DIP2C: variants seen among roughly 807,000 people sequenced by gnomAD.
DIP2C encodes disco-interacting protein 2 homolog C.
In DIP2C, 33 loss-of-function variants were observed where a neutral mutation model predicts 192.4. That is an observed-to-expected ratio of 0.17 (90% CI 0.13 to 0.23). The LOEUF (loss-of-function observed/expected upper bound fraction) is 0.23. Ranked by LOEUF, DIP2C falls within the 10% of genes least tolerant of loss-of-function variation. DIP2C has a pLI of 1.00. For synonymous variants in DIP2C, 979 were observed against 864.1 expected (o/e 1.13, Z -2.33); for missense variants, 1,537 against 2,110.1 (o/e 0.73, Z 5.32).
At chr10:615,700 G>A (rs940017582) in intron 1 of DIP2C, among the ~76,000 whole-genome samples, 2 of 152,034 alleles carry the variant, frequency 1.3e-5, no homozygotes, top group Non-Finnish European at 2.9e-5. Flanking sequence ...ACACATCCAT[G>A]CCTCATCCAT....
intron 12 of DIP2C, 33 bp from the exon 13 acceptor site, chr10:390,126 C>T (rs1344089646): frequency 1.2e-6 from 2 of 1,603,910 alleles, no homozygotes; most frequent in Admixed American, 3.3e-5. Context: ...GGAAGTGGGG[C>T]TGACAGGTCA....
chr10:589,386 G>T (rs1851273470), intron 1 of DIP2C, among the ~76,000 whole-genome samples: 1 of 152,074 alleles, frequency 6.6e-6, no homozygotes, highest in African/African-American at 2.4e-5. Context: ...GGTTATCATG[G>T]CTAAGAGCTC....
chr10:376,513 G>A (rs1387336711), intron 17 of DIP2C, among the ~76,000 whole-genome samples: 1 of 151,950 alleles, frequency 6.6e-6, no homozygotes, highest in Non-Finnish European at 1.5e-5. Flanking sequence ...TTGGGAGGGG[G>A]GGTCTTCCCT....
At chr10:610,640 G>A (rs1259375008) in intron 1 of DIP2C, among the ~76,000 whole-genome samples, 1 of 152,250 alleles carries the variant, frequency 6.6e-6, no homozygotes, top group African/African-American at 2.4e-5. Flanking sequence ...AGAACGGGGA[G>A]CCAGACATGG....
chr10:593,485 A>ACCCCCC (rs10563749), intron 1 of DIP2C, among the ~76,000 whole-genome samples: 324 of 64,194 alleles, frequency 5.0e-3, no homozygotes, highest in Non-Finnish European at 5.7e-3. Flanking sequence ...CCCACGCGGG[A>ACCCCCC]CCCCCCCCCC....
intron 17 of DIP2C, among the ~76,000 whole-genome samples, chr10:371,027 G>A (rs1315524526): frequency 6.6e-6 from 1 of 152,180 alleles, no homozygotes; most frequent in Non-Finnish European, 1.5e-5. Flanking sequence ...GAACTACCTA[G>A]ATAGGGCGAG....
intron 3 of DIP2C, among the ~76,000 whole-genome samples, chr10:451,782 A>T (rs1968867349): frequency 6.6e-6 from 1 of 152,218 alleles, no homozygotes; most frequent in Middle Eastern, 3.4e-3. Context: ...GAGCACACAC[A>T]CCACCCTCTA....
chr10:448,566 T>C (rs1371413393), intron 3 of DIP2C, among the ~76,000 whole-genome samples: 15 of 67,048 alleles, frequency 2.2e-4, no homozygotes, highest in Non-Finnish European at 2.7e-4. Flanking sequence ...ACCCGCTCAC[T>C]CCCGTTGATA....
At position 321,160 on chromosome 10, in the gene DIP2C, G is replaced by A. The variant is rs1956989351; in HGVS notation, c.3924+5846C>T. 2.0e-5 allele frequency among the ~76,000 whole-genome samples: 3 copies of A among 152,220 alleles called. 1 individual carries two copies. The South Asian group carries it at 6.2e-4, about 32-fold the overall frequency. Reference sequence around the variant, plus strand: ...AAAAACAAACACCCAATGTGTCTCTGTACACCTGTAATGTTTCCTGTGTCA... The same window carrying A: ...AAAAACAAACACCCAATGTGTCTCTATACACCTGTAATGTTTCCTGTGTCA... On this transcript the variant is annotated intron_variant, in intron 31 of 36. Transcript: ENST00000280886.
At chr10:343,615 G>C (rs992493888) in intron 28 of DIP2C, among the ~76,000 whole-genome samples, 1 of 152,230 alleles carries the variant, frequency 6.6e-6, no homozygotes, top group Non-Finnish European at 1.5e-5. Context: ...TTTGTTTAAA[G>C]GAGAAATGAG....
chr10:511,163 C>G (rs1371817465), intron 1 of DIP2C, among the ~76,000 whole-genome samples: 2 of 152,190 alleles, frequency 1.3e-5, no homozygotes, highest in Non-Finnish European at 2.9e-5. Context: ...ACGCTGAACA[C>G]ACTGTCGCGA....
intron 1 of DIP2C, among the ~76,000 whole-genome samples, chr10:609,106 G>C (rs1852885154): frequency 6.6e-6 from 1 of 151,858 alleles, no homozygotes; most frequent in Non-Finnish European, 1.5e-5. Context: ...TGGTTTTTAT[G>C]ACTCGCAGTT....
chr10:416,596 C>A (rs1965653287), intron 6 of DIP2C, among the ~76,000 whole-genome samples: 1 of 152,118 alleles, frequency 6.6e-6, no homozygotes, highest in Non-Finnish European at 1.5e-5. Flanking sequence ...TCCAAGTGGA[C>A]CGAGAAAAGC....
intron 7 of DIP2C, among the ~76,000 whole-genome samples, chr10:414,739 G>GTGTGTGTATGTATATA: frequency 3.3e-5 from 3 of 90,510 alleles, no homozygotes; most frequent in Admixed American, 1.2e-4. Flanking sequence ...GTGTGTGTGT[G>GTGTGTGTATGTATATA]TACATATATA....
intron 1 of DIP2C, among the ~76,000 whole-genome samples, chr10:519,785 C>T (rs1037635863): frequency 1.2e-4 from 19 of 152,228 alleles, no homozygotes; most frequent in African/African-American, 3.6e-4. Context: ...AAACGGACGA[C>T]GCAGTCTTGA....
At chr10:607,573 G>C (rs1262115270) in intron 1 of DIP2C, among the ~76,000 whole-genome samples, 1 of 152,154 alleles carries the variant, frequency 6.6e-6, no homozygotes, top group East Asian at 1.9e-4. Context: ...CCCAGCATAA[G>C]CTGAAAATAT....
At chr10:601,307 C>G (rs571265982) in intron 1 of DIP2C, among the ~76,000 whole-genome samples, 1 of 152,254 alleles carries the variant, frequency 6.6e-6, no homozygotes, top group East Asian at 1.9e-4. Flanking sequence ...GTTTACAACA[C>G]TCAAAATTTA....
chr10:383,826 C>T (rs1323068798), intron 16 of DIP2C, among the ~76,000 whole-genome samples: 1 of 152,024 alleles, frequency 6.6e-6, no homozygotes, highest in African/African-American at 2.4e-5. Context: ...TACCTCTTGG[C>T]CCGAGTGAGT....
chr10:643,611 G>A (rs1178506588), intron 1 of DIP2C, among the ~76,000 whole-genome samples: 1 of 152,208 alleles, frequency 6.6e-6, no homozygotes, highest in Admixed American at 6.5e-5. Context: ...AGCATGCCAA[G>A]CTCAAAGAGT....
Sources: gnomAD v4.1 joint callset for allele counts (sites outside exome capture counted in the v4.1 genomes callset) on GRCh38, gnomAD v4.1.1 for gene constraint, MANE v1.5 for transcripts, NCBI Gene and HGNC (gene_info 2026-07-23, HGNC 2026-07-21) for gene names.